The following ATG7 variants were observed in gnomAD, a reference collection of about 807,000 sequenced individuals.
ATG7 encodes the protein autophagy related 7.
Under a neutral mutation model 82.4 loss-of-function variants are expected in ATG7, and 70 were observed. The observed-to-expected ratio is 0.85, with a 90% CI of 0.70 to 1.04. The LOEUF is 1.04. Among genes scored for constraint, ATG7 ranks in the 50% least tolerant of loss-of-function variants. ATG7 has a pLI of 0.00. For missense variants in ATG7, 792 were observed against 864.3 expected (o/e 0.92, Z 1.05); for synonymous variants, 287 against 313.0 (o/e 0.92, Z 0.88).
intron 20 of ATG7, among the ~76,000 whole-genome samples, chr3:11,447,535 C>T (rs1013683627): frequency 6.6e-6 from 1 of 151,978 alleles, no homozygotes; most frequent in African/African-American, 2.4e-5. Context: ...GCTTCAAGGA[C>T]TCTAGATGGG....
intron 9 of ATG7, among the ~76,000 whole-genome samples, chr3:11,326,971 G>T (rs1950971752): frequency 6.6e-6 from 1 of 152,226 alleles, no homozygotes; most frequent in Non-Finnish European, 1.5e-5. Context: ...AACTTGCTGA[G>T]ATGCTGCATC....
intron 20 of ATG7, among the ~76,000 whole-genome samples, chr3:11,483,702 T>C (rs1346478257): frequency 3.9e-5 from 6 of 152,216 alleles, no homozygotes; most frequent in African/African-American, 1.2e-4. Context: ...ACTATTATTA[T>C]ATTGACACTG....
intron 20 of ATG7, among the ~76,000 whole-genome samples, chr3:11,462,940 T>G (rs1214356272): frequency 2.0e-5 from 3 of 151,640 alleles, no homozygotes; most frequent in African/African-American, 7.3e-5. Context: ...GGCTGGAGTG[T>G]AATGGTGCGA....
At chr3:11,387,110 C>T (rs2078378607) in intron 19 of ATG7, among the ~76,000 whole-genome samples, 1 of 152,214 alleles carries the variant, frequency 6.6e-6, no homozygotes, top group African/African-American at 2.4e-5. Context: ...AATAAGAAAA[C>T]AAAGACCCCT....
At chr3:11,409,461 C>T (rs999697460) in intron 19 of ATG7, among the ~76,000 whole-genome samples, 60 of 152,280 alleles carry the variant, frequency 3.9e-4, no homozygotes, top group African/African-American at 1.4e-3. Context: ...GTTCTGAACA[C>T]GTTTAAGGGA....
chr3:11,374,249 T>C (rs1248016033), intron 18 of ATG7, among the ~76,000 whole-genome samples: 1 of 152,160 alleles, frequency 6.6e-6, no homozygotes, highest in Non-Finnish European at 1.5e-5. Flanking sequence ...AGTACTCACA[T>C]AGAGATAGAA....
intron 3 of ATG7, among the ~76,000 whole-genome samples, chr3:11,291,370 G>T (rs1944957259): frequency 6.6e-6 from 1 of 152,138 alleles, no homozygotes; most frequent in Non-Finnish European, 1.5e-5. Flanking sequence ...GAGGCTGATG[G>T]GCAGTAGAAA....
intron 20 of ATG7, among the ~76,000 whole-genome samples, chr3:11,491,347 A>G (rs2090336114): frequency 6.6e-6 from 1 of 151,888 alleles, no homozygotes; most frequent in Admixed American, 6.6e-5. Context: ...ACTTCTCTGT[A>G]TTGGTTATTC....
At chr3:11,428,110 C>T (rs2082532389) in intron 20 of ATG7, among the ~76,000 whole-genome samples, 1 of 152,206 alleles carries the variant, frequency 6.6e-6, no homozygotes, top group Admixed American at 6.5e-5. Context: ...TTCTTCCCAC[C>T]AGCTAAAGAG....
chr3:11,476,860 A>G (rs1300729582), intron 20 of ATG7, among the ~76,000 whole-genome samples: 7 of 151,928 alleles, frequency 4.6e-5, no homozygotes, highest in Non-Finnish European at 7.4e-5. Context: ...ACATGACTCC[A>G]CTCCCTTGTT....
At chr3:11,283,024 G>C (rs1943329441) in intron 3 of ATG7, among the ~76,000 whole-genome samples, 1 of 152,168 alleles carries the variant, frequency 6.6e-6, no homozygotes, top group Non-Finnish European at 1.5e-5. Flanking sequence ...CTCCATTTTG[G>C]CCCAGAGAAG....
intron 20 of ATG7, among the ~76,000 whole-genome samples, chr3:11,522,756 G>A (rs887725669): frequency 6.6e-6 from 1 of 152,108 alleles, no homozygotes; most frequent in Non-Finnish European, 1.5e-5. Flanking sequence ...CTTCAAAATC[G>A]CCTGTCAAAT....
the ATG7 span, among the ~76,000 whole-genome samples, chr3:11,564,045 T>C: frequency 6.6e-5 from 10 of 152,206 alleles, no homozygotes; most frequent in Non-Finnish European, 1.3e-4. Context: ...CCATCCTCTC[T>C]GTCAGTCTTA....
chr3:11,334,444 A>T (rs1472721848), intron 11 of ATG7, among the ~76,000 whole-genome samples: 1 of 150,584 alleles, frequency 6.6e-6, no homozygotes, highest in Non-Finnish European at 1.5e-5. Context: ...AGGTTTCACC[A>T]TGTTGGTCAG....
intron 20 of ATG7, among the ~76,000 whole-genome samples, chr3:11,527,173 C>T (rs1257304168): frequency 1.8e-4 from 27 of 151,696 alleles, no homozygotes; most frequent in East Asian, 7.8e-4. Context: ...AGCACGCTCT[C>T]GGCTCACTGC....
Position 11,365,885 on chromosome 3 carries a change from T to TC in ATG7, c.1875+1153dup, listed in dbSNP as rs542169684. On this transcript the variant is annotated intron_variant, in intron 18 of 20. Coordinates refer to ENST00000693202, the MANE Select transcript of ATG7 (RefSeq NM_001349232.2). ...GGCCTGCATGTTGGGAGATTTTGCT[T>TC]CCTGTTGGTACCCCAGCCCCCTTGC... Among the ~76,000 whole-genome samples, 402 of 152,232 alleles carry TC rather than the reference T, an allele frequency of 2.6e-3. 1 individual carries two copies. The highest frequency in any genetic ancestry group is 9.2e-3 in the African/African-American group (382 of 41,530).
chr3:11,294,568 A>T (rs565290149), intron 3 of ATG7, among the ~76,000 whole-genome samples: 3 of 152,262 alleles, frequency 2.0e-5, no homozygotes, highest in African/African-American at 7.2e-5. Flanking sequence ...ATTCTTTCAA[A>T]CAATTAAAAG....
intron 20 of ATG7, among the ~76,000 whole-genome samples, chr3:11,512,805 C>T (rs2092122685): frequency 1.3e-5 from 2 of 152,208 alleles, no homozygotes; most frequent in Admixed American, 6.5e-5. Context: ...CTCGGGCAGC[C>T]TGCTTTTATT....
At chr3:11,356,681 T>G (rs1211076908) in intron 14 of ATG7, among the ~76,000 whole-genome samples, 1 of 152,256 alleles carries the variant, frequency 6.6e-6, no homozygotes, top group African/African-American at 2.4e-5. Context: ...TACCACCATT[T>G]AACATGCTTT....
Sources: allele counts gnomAD v4.1 joint callset (sites outside exome capture counted in the v4.1 genomes callset), GRCh38; gene constraint gnomAD v4.1.1; transcripts MANE v1.5; gene names NCBI Gene and HGNC (gene_info 2026-07-23, HGNC 2026-07-21).